TACC2: variants seen among roughly 807,000 people sequenced by gnomAD.
The protein encoded by TACC2 is transforming acidic coiled-coil containing protein 2.
TACC2 carries 137 observed loss-of-function variants against 227.3 expected under a neutral mutation model. That is an observed-to-expected ratio of 0.60 (90% CI 0.52 to 0.69). TACC2 has a LOEUF of 0.69. Ranked by LOEUF, TACC2 falls within the 30% of genes least tolerant of loss-of-function variation. The pLI is 0.00. For missense variants in TACC2, 3,470 were observed against 3,694.4 expected (o/e 0.94, Z 1.57); for synonymous variants, 1,523 against 1,487.5 (o/e 1.02, Z -0.55).
At chr10:122,143,532 C>A in intron 6 of TACC2, 40 bp from the exon 7 acceptor site, 1 of 1,604,232 alleles carries the variant, frequency 6.2e-7, no homozygotes, top group Non-Finnish European at 8.5e-7. Flanking sequence ...CATTAATGAG[C>A]CCAGCACCAT....
At chr10:122,237,628 A>G in intron 17 of TACC2, 90 bp downstream of exon 17, 4 of 1,488,472 alleles carry the variant, frequency 2.7e-6, no homozygotes, top group East Asian at 2.3e-5. Flanking sequence ...TTGGAGACAG[A>G]CTTTGTCCTC....
At chr10:122,226,623 G>C in intron 13 of TACC2, 142 bp downstream of exon 13, 1 of 622,700 alleles carries the variant, frequency 1.6e-6, no homozygotes, top group Non-Finnish European at 2.8e-6. Flanking sequence ...TTTTTTAATA[G>C]AGACAGAGTC....
chr10:121,997,615 C>G (rs1244602011), intron 1 of TACC2, among the ~76,000 whole-genome samples: 1 of 151,466 alleles, frequency 6.6e-6, no homozygotes, highest in East Asian at 1.9e-4. Flanking sequence ...GAGAGAAGAA[C>G]AAAGGCAGGC....
chr10:122,134,401 C>T (rs2089093598), intron 6 of TACC2, among the ~76,000 whole-genome samples: 1 of 152,158 alleles, frequency 6.6e-6, no homozygotes, highest in East Asian at 1.9e-4. Context: ...TGTTCTCAAA[C>T]TCCTGACCCC....
At chr10:122,197,707 C>T (rs566722207) in intron 8 of TACC2, among the ~76,000 whole-genome samples, 23 of 152,316 alleles carry the variant, frequency 1.5e-4, no homozygotes, top group African/African-American at 4.8e-4. Flanking sequence ...CCTTTGAAAA[C>T]GGCAGCAAGG....
chr10:122,208,023 G>A (rs902010878), intron 8 of TACC2, among the ~76,000 whole-genome samples: 1 of 152,168 alleles, frequency 6.6e-6, no homozygotes, highest in African/African-American at 2.4e-5. Context: ...ACGGCTGGTG[G>A]GAGGATGGGG....
intron 2 of TACC2, among the ~76,000 whole-genome samples, chr10:122,040,366 C>G (rs1429084359): frequency 6.6e-6 from 1 of 152,162 alleles, no homozygotes; most frequent in Non-Finnish European, 1.5e-5. Flanking sequence ...CTCCACTCGA[C>G]AGCCCTTCCA....
At position 122,236,307 on chromosome 10, in the gene TACC2, C is replaced by T. The variant is rs185023923; in HGVS notation, c.8128-1088C>T. The stretch of plus-strand genomic sequence containing the variant: ...TCTACTACACTGTGGTAGCCTTCCA[C>T]CATTCAATTTCTTCTCATAATTTCC... On this transcript the variant is annotated intron_variant, in intron 16 of 22. Transcript: ENST00000369005. 5.9e-5 allele frequency among the ~76,000 whole-genome samples: 9 copies of T among 152,292 alleles called. No homozygotes were observed. The East Asian group carries it at 1.5e-3, about 26-fold the overall frequency.
Position 122,084,513 on chromosome 10 carries a change from C to T in TACC2, c.2013C>T (p.Pro671=), listed in dbSNP as rs751965125. Residue 671 remains proline (P), a synonymous_variant, in exon 4 of 23, where the codon CCC becomes CCT. Transcript: ENST00000369005. Reference sequence around the variant, plus strand: ...TGGGTGAGGAGGACCCCGTCCTGCCCCCTGTGCCAGATGGAGCTGGTGAGC... The same window carrying T: ...TGGGTGAGGAGGACCCCGTCCTGCCTCCTGTGCCAGATGGAGCTGGTGAGC... ...HKLGEEDPVL[P]PVPDGAGEPT... 9.9e-6 allele frequency: 16 copies of T among 1,613,416 alleles called. 1 individual carries two copies. Among genetic ancestry groups the T allele is most frequent in the South Asian group, 2.2e-5 (2 of 91,084 alleles).
intron 16 of TACC2, among the ~76,000 whole-genome samples, chr10:122,233,331 G>C (rs1228227765): frequency 6.6e-6 from 1 of 152,200 alleles, no homozygotes; most frequent in African/African-American, 2.4e-5. Context: ...GGCTCTCCAA[G>C]AGGCACAGGC....
chr10:122,108,400 CTATG>C lies in TACC2; in HGVS notation c.5573+19811_5573+19814del, dbSNP rs201391589. Among the ~76,000 whole-genome samples the C allele has an allele frequency of 6.8e-3, 1,000 of 147,302 alleles. 13 individuals are homozygous for C. The highest frequency in any genetic ancestry group is 0.023 in the African/African-American group (910 of 39,930). Reference sequence around the variant, plus strand: ...GCGCGCTCTCTCTTTCTCTCTCTCTCTATGTGTGTGTGTGTATATATATATGTGT... The same window carrying C: ...GCGCGCTCTCTCTTTCTCTCTCTCTCTGTGTGTGTGTATATATATATGTGT... On this transcript the variant is annotated intron_variant, in intron 5 of 22. Coordinates refer to ENST00000369005, the MANE Select transcript of TACC2 (RefSeq NM_206862.4).
chr10:122,138,342 T>A (rs2090023637), intron 6 of TACC2, among the ~76,000 whole-genome samples: 1 of 152,156 alleles, frequency 6.6e-6, no homozygotes, highest in South Asian at 2.1e-4. Context: ...ATCTTGTCTC[T>A]ACTAAATATG....
intron 11 of TACC2, among the ~76,000 whole-genome samples, chr10:122,219,990 A>T (rs543720936): frequency 1.7e-4 from 26 of 151,716 alleles, no homozygotes; most frequent in Middle Eastern, 3.4e-3. Context: ...ATGAGCCAAG[A>T]TCATGCCCCT....
intron 8 of TACC2, among the ~76,000 whole-genome samples, chr10:122,200,000 T>A (rs762255084): frequency 6.6e-6 from 1 of 152,186 alleles, no homozygotes; most frequent in Non-Finnish European, 1.5e-5. Context: ...TATGAGGATT[T>A]CAACATAGGA....
At chr10:122,001,032 G>A (rs553435301) in intron 1 of TACC2, among the ~76,000 whole-genome samples, 26 of 152,198 alleles carry the variant, frequency 1.7e-4, no homozygotes, top group African/African-American at 5.1e-4. Context: ...CATGTTGGCC[G>A]GGCTGGTCCT....
intron 2 of TACC2, among the ~76,000 whole-genome samples, chr10:122,042,884 G>A (rs2074477067): frequency 6.6e-6 from 1 of 152,194 alleles, no homozygotes; most frequent in Admixed American, 6.5e-5. Context: ...AGGGGCAAAA[G>A]AAATAAAGTT....
At position 122,037,910 on chromosome 10, in the gene TACC2, TTTTGTTTGTTTG is replaced by T. The variant is rs144221132; in HGVS notation, c.34-12508_34-12497del. Among the ~76,000 whole-genome samples, 1,012 of 151,254 alleles carry T rather than the reference TTTTGTTTGTTTG, an allele frequency of 6.7e-3. 9 individuals carry two copies. Among genetic ancestry groups the T allele is most frequent in the African/African-American group, 0.024 (973 of 41,118 alleles). On this transcript the variant is annotated intron_variant, in intron 2 of 22. Coordinates refer to ENST00000369005, the MANE Select transcript of TACC2 (RefSeq NM_206862.4). The stretch of plus-strand genomic sequence containing the variant: ...CTCCCAGGTGAGGCTTTTTGTTGGT[TTTTGTTTGTTTG>T]TTTGTTTGTTTGTTTGTTTTTGTAG...
chr10:121,990,776 TTTG>T lies in TACC2; in HGVS notation c.-46+1300_-46+1302del, dbSNP rs1267159051. On this transcript the variant is annotated intron_variant, in intron 1 of 22. Coordinates refer to ENST00000369005, the MANE Select transcript of TACC2 (RefSeq NM_206862.4). Reference sequence around the variant, plus strand: ...ATTATTGTCTGGACATACCTGTTTTTTTGTTGTTGTTGTTTGTTTGTTTGTTTT... The same window carrying T: ...ATTATTGTCTGGACATACCTGTTTTTTTGTTGTTGTTTGTTTGTTTGTTTT... Among the ~76,000 whole-genome samples the T allele has an allele frequency of 5.3e-5, 8 of 152,196 alleles. No homozygotes were observed. In the East Asian group the frequency reaches 1.4e-3, roughly 26 times the overall value.
chr10:122,238,943 G>A (rs916162252), intron 18 of TACC2, among the ~76,000 whole-genome samples: 2 of 152,116 alleles, frequency 1.3e-5, no homozygotes, highest in Admixed American at 6.5e-5. Flanking sequence ...GTGGTATGTT[G>A]TAATAGAAAT....
Sources: allele counts gnomAD v4.1 joint callset (sites outside exome capture counted in the v4.1 genomes callset), GRCh38; gene constraint gnomAD v4.1.1; transcripts MANE v1.5; gene names NCBI Gene and HGNC (gene_info 2026-07-23, HGNC 2026-07-21).